Variants in TLE4 observed in about 807,000 individuals in gnomAD.
TLE4 encodes TLE family member 4, transcriptional corepressor.
A neutral mutation model predicts 92.8 loss-of-function variants in TLE4; 8 were observed. That is an observed-to-expected ratio of 0.09 (90% CI 0.05 to 0.16). The LOEUF (loss-of-function observed/expected upper bound fraction) is 0.16, where lower values mean the gene tolerates loss of function less well. Among genes scored for constraint, TLE4 ranks in the 10% least tolerant of loss-of-function variants. The probability of loss-of-function intolerance (pLI) is 1.00; values close to 1 mark genes in which losing one functional copy is unlikely to be tolerated. For synonymous variants in TLE4, 371 were observed against 374.1 expected, an observed-to-expected ratio of 0.99 and a Z score of 0.10; for missense variants, 675 against 997.6, an observed-to-expected ratio of 0.68 and a Z score of 4.36.
chr9:79,643,311 C>G (rs2057519191), intron 6 of TLE4, among the ~76,000 whole-genome samples: 1 of 152,184 alleles, frequency 6.6e-6, no homozygotes, highest in South Asian at 2.1e-4. Context: ...TGTTTCACCC[C>G]CTAATATTTC....
chr9:79,683,564 T>A (rs995049976), intron 8 of TLE4, among the ~76,000 whole-genome samples: 1 of 152,356 alleles, frequency 6.6e-6, no homozygotes, highest in Non-Finnish European at 1.5e-5. Context: ...GGAATCATAC[T>A]GTGAGCCATT....
At chr9:79,612,845 A>C (rs1384303077) in intron 5 of TLE4, 127 bp downstream of exon 5, 5 of 775,378 alleles carry the variant, frequency 6.4e-6, no homozygotes, top group Admixed American at 4.7e-5. Context: ...TTTCATTTCT[A>C]AGAAACAGTG....
chr9:79,714,354 T>C (rs1053272497), intron 14 of TLE4, among the ~76,000 whole-genome samples: 1 of 152,204 alleles, frequency 6.6e-6, no homozygotes, highest in African/African-American at 2.4e-5. Flanking sequence ...TATAGAGATA[T>C]AGATCTGGTA....
intron 8 of TLE4, among the ~76,000 whole-genome samples, chr9:79,685,268 T>A (rs2065609015): frequency 6.6e-6 from 1 of 152,206 alleles, no homozygotes; most frequent in South Asian, 2.1e-4. Flanking sequence ...TGCAATAGTT[T>A]GTTTGAAAAC....
At chr9:79,714,472 A>G (rs1011222181) in intron 14 of TLE4, among the ~76,000 whole-genome samples, 1 of 152,084 alleles carries the variant, frequency 6.6e-6, no homozygotes, top group African/African-American at 2.4e-5. Context: ...AGCTCATTTT[A>G]CCTCATCCTT....
chr9:79,719,196 T>C (rs1006888460), intron 15 of TLE4, among the ~76,000 whole-genome samples: 1 of 152,130 alleles, frequency 6.6e-6, no homozygotes, highest in Non-Finnish European at 1.5e-5. Context: ...TTTCATTAAC[T>C]CTGCCTCCCA....
intron 4 of TLE4, among the ~76,000 whole-genome samples, chr9:79,586,185 A>G (rs1016104520): frequency 3.9e-5 from 6 of 152,094 alleles, no homozygotes; most frequent in Non-Finnish European, 7.4e-5. Context: ...GTCCTGGCCA[A>G]TGTGGTGAAA....
intron 2 of TLE4, 90 bp downstream of exon 2, chr9:79,573,876 T>G (rs1228826026): frequency 1.1e-6 from 1 of 902,252 alleles, no homozygotes; most frequent in South Asian, 3.1e-5. Flanking sequence ...CCTCCTTTTT[T>G]GTGGGGGCGT....
At chr9:79,583,951 A>C (rs903605412) in intron 4 of TLE4, among the ~76,000 whole-genome samples, 3 of 152,124 alleles carry the variant, frequency 2.0e-5, no homozygotes, top group East Asian at 1.9e-4. Context: ...GTGTCATTCT[A>C]CTGGCCTCCT....
chr9:79,575,657 T>C (rs1294139730), intron 3 of TLE4: 1 of 152,492 alleles, frequency 6.6e-6, no homozygotes, highest in Non-Finnish European at 1.5e-5. Flanking sequence ...TTTATTTTTC[T>C]ATCTAGCTTT....
chr9:79,587,233 C>T (rs2041353432), intron 4 of TLE4, among the ~76,000 whole-genome samples: 1 of 152,062 alleles, frequency 6.6e-6, no homozygotes, highest in South Asian at 2.1e-4. Context: ...ATCACATATT[C>T]TGAGTATCAG....
chr9:79,694,797 G>T (rs2067874178), intron 8 of TLE4, among the ~76,000 whole-genome samples: 1 of 151,662 alleles, frequency 6.6e-6, no homozygotes, highest in South Asian at 2.1e-4. Context: ...AAGCAGGGGG[G>T]AGGACTAAGG....
At chr9:79,588,060 C>CCTAA (rs2041594136) in intron 4 of TLE4, among the ~76,000 whole-genome samples, 1 of 152,028 alleles carries the variant, frequency 6.6e-6, no homozygotes, top group African/African-American at 2.4e-5. Flanking sequence ...GGCTTGAGAA[C>CCTAA]CTACATTCTG....
chr9:79,598,540 G>GC lies in TLE4; in HGVS notation c.253-14115dup, dbSNP rs562681274. Reference sequence around the variant, plus strand: ...ACTCAGGGAAATAGTCCTCTAAAAAGCATTTAAAAATACCCTGCATTCTGT... The same window carrying GC: ...ACTCAGGGAAATAGTCCTCTAAAAAGCCATTTAAAAATACCCTGCATTCTGT... On this transcript the variant is annotated intron_variant, in intron 4 of 19. Coordinates refer to ENST00000376552, the MANE Select transcript of TLE4 (RefSeq NM_007005.6). Among the ~76,000 whole-genome samples, 236 of 152,218 alleles carry GC rather than the reference G, an allele frequency of 1.6e-3. 1 individual carries two copies. Among genetic ancestry groups the GC allele is most frequent in the African/African-American group, 5.5e-3 (227 of 41,540 alleles).
chr9:79,702,331 A>G (rs1381315632), intron 8 of TLE4, among the ~76,000 whole-genome samples: 1 of 152,186 alleles, frequency 6.6e-6, no homozygotes, highest in Non-Finnish European at 1.5e-5. Context: ...TGAATTCCAG[A>G]AGTGAGGTGG....
At chr9:79,685,019 G>A (rs547525630) in intron 8 of TLE4, among the ~76,000 whole-genome samples, 1 of 152,298 alleles carries the variant, frequency 6.6e-6, no homozygotes, top group Non-Finnish European at 1.5e-5. Flanking sequence ...GCATGCGAAC[G>A]GCTTGGTAAT....
At chr9:79,665,971 A>T (rs1405213519) in intron 8 of TLE4, among the ~76,000 whole-genome samples, 3 of 152,196 alleles carry the variant, frequency 2.0e-5, no homozygotes, top group African/African-American at 7.2e-5. Context: ...AAAATTCTCA[A>T]ATTTTATTTC....
intron 8 of TLE4, among the ~76,000 whole-genome samples, chr9:79,683,006 CTG>C (rs1313851177): frequency 2.6e-5 from 4 of 152,190 alleles, no homozygotes; most frequent in Non-Finnish European, 2.9e-5. Context: ...GTTTGTTTTT[CTG>C]TGGCCTGTAA....
At chr9:79,718,034 A>G in intron 14 of TLE4, 1 of 456,656 alleles carries the variant, frequency 2.2e-6, no homozygotes, top group Non-Finnish European at 4.4e-6. Flanking sequence ...TTTCCCTGGA[A>G]ATGAACTGGA....
Sources: allele counts gnomAD v4.1 joint callset (sites outside exome capture counted in the v4.1 genomes callset), GRCh38; gene constraint gnomAD v4.1.1; transcripts MANE v1.5; gene names NCBI Gene and HGNC (gene_info 2026-07-23, HGNC 2026-07-21).